The following NRP1 variants were observed in gnomAD, a reference collection of about 807,000 sequenced individuals.
NRP1 encodes the protein neuropilin 1.
NRP1 carries 35 observed loss-of-function variants against 106.7 expected under a neutral mutation model. The ratio of observed to expected loss-of-function variants is 0.33; its 90% confidence interval spans 0.25 to 0.43. The LOEUF (loss-of-function observed/expected upper bound fraction) is 0.43. NRP1 is among the 20% of genes least tolerant of loss of function. The probability of loss-of-function intolerance (pLI) is 1.00; values close to 1 mark genes in which losing one functional copy is unlikely to be tolerated. For synonymous variants in NRP1, 437 were observed against 417.9 expected, an observed-to-expected ratio of 1.05 and a Z score of -0.56; for missense variants, 1,024 against 1,170.4, an observed-to-expected ratio of 0.87 and a Z score of 1.83.
chr10:33,207,549 G>A (rs1425736643), intron 10 of NRP1, 23 bp downstream of exon 10: 2 of 1,613,142 alleles, frequency 1.2e-6, no homozygotes, highest in South Asian at 1.1e-5. Context: ...CGCATGAGAA[G>A]TAACTCTGGA....
At chr10:33,186,844 C>CTCT (rs3035253) in intron 13 of NRP1, among the ~76,000 whole-genome samples, 151,393 of 152,260 alleles carry the variant, frequency 0.99, 75,267 homozygotes, top group East Asian at 1. Flanking sequence ...AAACTCCTGG[C>CTCT]TCTTAGAGAA....
chr10:33,213,374 C>T lies in NRP1; in HGVS notation c.1614+12G>A, dbSNP rs1838471661. On this transcript the variant is annotated intron_variant, in intron 9 of 16. Coordinates refer to ENST00000374867, the MANE Select transcript of NRP1 (RefSeq NM_003873.7). ...CATAAGGGATGACCTCCTCCCAGTC[C>T]CCAGCCCTCACCTTCGCCTTGCGTT... 6.8e-6 allele frequency: 11 copies of T among 1,614,094 alleles called. No homozygotes were observed. Among genetic ancestry groups the T allele is most frequent in the African/African-American group, 5.3e-5 (4 of 75,006 alleles).
chr10:33,330,597 C>A, intron 2 of NRP1, 111 bp downstream of exon 2: 2 of 792,850 alleles, frequency 2.5e-6, no homozygotes, highest in Non-Finnish European at 3.6e-6. Context: ...AGATTGGAAT[C>A]CCTCCTGGAT....
chr10:33,187,502 G>A (rs573557203), intron 13 of NRP1, among the ~76,000 whole-genome samples: 1 of 152,240 alleles, frequency 6.6e-6, no homozygotes, highest in East Asian at 1.9e-4. Context: ...CTGGCTCAAG[G>A]AGAGGCAAGG....
Position 33,232,594 on chromosome 10 carries a change from TC to T in NRP1, c.982-6306del, listed in dbSNP as rs756400256. On this transcript the variant is annotated intron_variant, in intron 6 of 16. Transcript: ENST00000374867. Reference sequence around the variant, plus strand: ...ATGTAGGCTATTTTACAGAACTTTATCAAACTCCTTTTGAGTTCTAGTGGCC... The same window carrying T: ...ATGTAGGCTATTTTACAGAACTTTATAAACTCCTTTTGAGTTCTAGTGGCC... Among the ~76,000 whole-genome samples, 5 of 151,302 alleles carry T rather than the reference TC, an allele frequency of 3.3e-5. No individual in the cohort carries two copies. The South Asian group carries it at 1.0e-3, about 32-fold the overall frequency.
intron 12 of NRP1, among the ~76,000 whole-genome samples, chr10:33,196,022 G>C (rs1836758471): frequency 1.3e-5 from 2 of 152,072 alleles, no homozygotes; most frequent in African/African-American, 4.8e-5. Context: ...GCCATCCCTT[G>C]AGTGACCTTG....
intron 6 of NRP1, among the ~76,000 whole-genome samples, chr10:33,249,092 T>G (rs1249427303): frequency 1.4e-5 from 2 of 146,486 alleles, no homozygotes; most frequent in East Asian, 2.0e-4. Flanking sequence ...TTGTTTTTTT[T>G]TTTTTTTTTT....
At chr10:33,237,703 A>G (rs976264983) in intron 6 of NRP1, among the ~76,000 whole-genome samples, 2 of 150,706 alleles carry the variant, frequency 1.3e-5, no homozygotes, top group Admixed American at 1.3e-4. Context: ...CTGGGACTAC[A>G]GGGGTGTGTC....
chr10:33,270,997 G>T, intron 2 of NRP1, 141 bp from the exon 3 acceptor site: 1 of 610,112 alleles, frequency 1.6e-6, no homozygotes, highest in Non-Finnish European at 2.7e-6. Flanking sequence ...GCATTAAATG[G>T]AGGGAAAAAA....
chr10:33,233,668 G>C (rs766864032), intron 6 of NRP1, among the ~76,000 whole-genome samples: 4 of 152,136 alleles, frequency 2.6e-5, no homozygotes, highest in Non-Finnish European at 5.9e-5. Flanking sequence ...GCGTTTACCA[G>C]CTTTTAACAC....
intron 8 of NRP1, among the ~76,000 whole-genome samples, chr10:33,220,971 C>T (rs532758773): frequency 6.6e-6 from 1 of 151,564 alleles, no homozygotes; most frequent in East Asian, 1.9e-4. Flanking sequence ...TAGCTCACAC[C>T]TGTAATCCCA....
chr10:33,285,982 T>G (rs188095787), intron 2 of NRP1, among the ~76,000 whole-genome samples: 3 of 152,376 alleles, frequency 2.0e-5, no homozygotes, highest in Admixed American at 2.0e-4. Flanking sequence ...GCCTCCAATC[T>G]GTTCCGTCAA....
chr10:33,246,763 A>G (rs1841461426), intron 6 of NRP1, among the ~76,000 whole-genome samples: 2 of 152,196 alleles, frequency 1.3e-5, no homozygotes, highest in African/African-American at 4.8e-5. Flanking sequence ...TATCATTTTA[A>G]TGTAATTTTG....
chr10:33,276,548 C>T (rs936168421), intron 2 of NRP1, among the ~76,000 whole-genome samples: 4 of 152,124 alleles, frequency 2.6e-5, no homozygotes, highest in African/African-American at 9.7e-5. Context: ...TAGAAAGAGC[C>T]CTGAGCTGGG....
intron 4 of NRP1, among the ~76,000 whole-genome samples, chr10:33,260,230 A>G (rs569744446): frequency 1.3e-5 from 2 of 152,320 alleles, no homozygotes; most frequent in Non-Finnish European, 2.9e-5. Context: ...TTTCAAACGT[A>G]CAAAATAGGC....
rs911611999 is a variant in NRP1, at chr10:33,307,485, TA to T, written c.248+23222del. ...TGATTTAAAATATCAATTTGTGCCA[TA>T]AAAAAAAATCAATTTCTTTGAAAAC... is the stretch of plus-strand genomic sequence containing the variant. On this transcript the variant is annotated intron_variant, in intron 2 of 16. Transcript: ENST00000374867. Among the ~76,000 whole-genome samples the T allele has an allele frequency of 2.6e-3, 387 of 151,564 alleles. 2 individuals are homozygous for T. The highest frequency in any genetic ancestry group is 8.0e-3 in the African/African-American group (331 of 41,314).
At chr10:33,230,335 C>T (rs76659299) in intron 6 of NRP1, among the ~76,000 whole-genome samples, 11,898 of 152,132 alleles carry the variant, frequency 0.078, 749 homozygotes, top group African/African-American at 0.17. Context: ...TGGAAGACAC[C>T]ACCCCCAAAA....
chr10:33,186,212 C>A lies in NRP1; in HGVS notation c.2334+5G>T. 1 of 1,591,778 alleles carries A rather than the reference C, an allele frequency of 6.3e-7. No homozygotes were observed. Among genetic ancestry groups the A allele is most frequent in the Non-Finnish European group, 8.6e-7 (1 of 1,166,882 alleles). On this transcript the variant is annotated splice_donor_5th_base_variant and intron_variant, in intron 14 of 16. Transcript: ENST00000374867. ...GCCCTCCCCAGCCTTGGGAAGAGGT[C>A]ATACCTGATAAAGTTTCAGAGACTT...
intron 2 of NRP1, among the ~76,000 whole-genome samples, chr10:33,321,848 G>A (rs1170412544): frequency 3.9e-5 from 6 of 152,150 alleles, no homozygotes; most frequent in African/African-American, 1.2e-4. Flanking sequence ...AGCTCTCTCC[G>A]TGACATAGCA....
Sources: allele counts gnomAD v4.1 joint callset (sites outside exome capture counted in the v4.1 genomes callset), GRCh38; gene constraint gnomAD v4.1.1; transcripts MANE v1.5; gene names NCBI Gene and HGNC (gene_info 2026-07-23, HGNC 2026-07-21).